The following DNAH9 variants were observed in gnomAD, a reference collection of about 807,000 sequenced individuals.
The protein encoded by DNAH9 is dynein axonemal heavy chain 9, also known as DNAH9 variant protein.
DNAH9 carries 345 observed loss-of-function variants against 471.6 expected under a neutral mutation model. The ratio of observed to expected loss-of-function variants is 0.73; its 90% CI spans 0.67 to 0.80. The LOEUF is 0.80. DNAH9 is among the 30% of genes least tolerant of loss of function. The probability of loss-of-function intolerance (pLI) is 0.00; values close to 1 mark genes in which losing one functional copy is unlikely to be tolerated. For missense variants in DNAH9, 5,407 were observed against 5,609.2 expected, an observed-to-expected ratio of 0.96 and a Z score of 1.15; for synonymous variants, 2,093 against 2,123.6, an observed-to-expected ratio of 0.99 and a Z score of 0.40.
intron 50 of DNAH9, among the ~76,000 whole-genome samples, chr17:11,867,894 A>G (rs1290618841): frequency 1.3e-5 from 2 of 152,216 alleles, no homozygotes; most frequent in Non-Finnish European, 2.9e-5. Flanking sequence ...TCAAGAATCA[A>G]TAGGCTTCCA....
At chr17:11,654,784 T>C (rs1230421819) in intron 14 of DNAH9, among the ~76,000 whole-genome samples, 1 of 152,082 alleles carries the variant, frequency 6.6e-6, no homozygotes, top group African/African-American at 2.4e-5. Flanking sequence ...AATCAGATAC[T>C]TTCATTATCA....
intron 4 of DNAH9, chr17:11,612,259 G>T: frequency 8.5e-6 from 2 of 236,218 alleles, no homozygotes; most frequent in South Asian, 8.0e-5. Flanking sequence ...CTACCCTTCT[G>T]GCAAGACAGC....
chr17:11,800,989 C>T (rs762876324), intron 43 of DNAH9, among the ~76,000 whole-genome samples: 1 of 152,134 alleles, frequency 6.6e-6, no homozygotes, highest in East Asian at 1.9e-4. Flanking sequence ...ATCAGGAAGG[C>T]CTCCCTGAGA....
intron 51 of DNAH9, among the ~76,000 whole-genome samples, chr17:11,871,004 C>T (rs1295969383): frequency 2.0e-5 from 3 of 152,076 alleles, no homozygotes; most frequent in East Asian, 1.9e-4. Context: ...AGCAAAGCTC[C>T]GCCATACCAC....
rs893295666 is a variant in DNAH9, at chr17:11,854,063, G to A, written c.9568G>A (p.Ala3190Thr). The A allele has an allele frequency of 2.9e-5, 47 of 1,614,028 alleles. No homozygotes were observed. The highest frequency in any genetic ancestry group is 3.9e-5 in the Non-Finnish European group (46 of 1,180,048). The stretch of plus-strand genomic sequence containing the variant: ...GCCTCTGGCCGTCAGCAATGTCAGC[G>A]CTGCGGTGATGGTACTGATGGCTCC... ...SPPLAVSNVS[A>T]AVMVLMAPRG... The change falls in exon 50 of 69, where the codon GCT becomes ACT. Residue 3190 changes from alanine (A) to threonine (T), a missense_variant. Physicochemically the swap from Ala to Thr is moderately conservative, Grantham distance 58. This residue lies in a region of DNAH9 where 4,636 missense variants were observed against 4,900.3 expected (regional missense o/e 0.95). Coordinates refer to ENST00000262442, the MANE Select transcript of DNAH9 (RefSeq NM_001372.4).
intron 48 of DNAH9, among the ~76,000 whole-genome samples, chr17:11,823,355 C>T (rs1343693760): frequency 6.6e-6 from 1 of 152,148 alleles, no homozygotes; most frequent in Non-Finnish European, 1.5e-5. Flanking sequence ...TCCATCCGCT[C>T]TCATTGATGC....
rs2150706307 is a variant in DNAH9 at position 11,654,367 on chromosome 17, A to AAAG, written c.2595+1367_2595+1368insGAA. ...CGAGACTCCGTCTCAAAAAAAAAAA[A>AAAG]AAAAAAAAAAAGTTTAAAATCGATC... On this transcript the variant is annotated intron_variant, in intron 14 of 68. Coordinates refer to ENST00000262442, the MANE Select transcript of DNAH9 (RefSeq NM_001372.4). 1.4e-5 allele frequency among the ~76,000 whole-genome samples: 2 copies of AAAG among 139,964 alleles called. 1 individual carries two copies. The highest frequency in any genetic ancestry group is 4.1e-4 in the East Asian group (2 of 4,888). 91.8% of individuals were successfully genotyped at this position (139,964 alleles called of 152,430 possible).
At chr17:11,619,819 C>A in intron 6 of DNAH9, 38 bp downstream of exon 6, 1 of 1,229,812 alleles carries the variant, frequency 8.1e-7, no homozygotes, top group Non-Finnish European at 1.2e-6. Context: ...CAGCCCCAGA[C>A]AGAAAGAAGC....
chr17:11,857,885 A>C (rs1264478165), intron 50 of DNAH9, among the ~76,000 whole-genome samples: 1 of 152,064 alleles, frequency 6.6e-6, no homozygotes, highest in Non-Finnish European at 1.5e-5. Context: ...TTTGCCTTCC[A>C]CCATGAGTAG....
At chr17:11,743,128 C>G (rs1404499506) in intron 30 of DNAH9, among the ~76,000 whole-genome samples, 6 of 152,140 alleles carry the variant, frequency 3.9e-5, no homozygotes, top group Admixed American at 2.6e-4. Flanking sequence ...TAAAGCTGAT[C>G]TCCGTCAGCT....
Position 11,937,490 on chromosome 17 carries a change from A to C in DNAH9, c.12628A>C (p.Arg4210=), listed in dbSNP as rs953464300. The C allele has an allele frequency of 6.2e-7, 1 of 1,613,474 alleles. No individual in the cohort carries two copies. The highest frequency in any genetic ancestry group is 1.3e-5 in the African/African-American group (1 of 74,912). The stretch of plus-strand genomic sequence containing the variant: ...GCTGCAGCCTCGGGACAGCCAGGCC[A>C]GAGACGGAGCGGGCGCCACAAGAGA... The part of the protein sequence containing the change: ...LELQPRDSQA[R]DGAGATREEK... The change falls in exon 66 of 69, where the codon AGA becomes CGA. Residue 4210 remains arginine (R), a synonymous_variant. Coordinates refer to ENST00000262442, the MANE Select transcript of DNAH9 (RefSeq NM_001372.4). The surrounding 1 kb of genome is among the most constrained non-coding windows in gnomAD (Gnocchi z 4.1).
At chr17:11,719,190 A>G (rs2075013072) in intron 26 of DNAH9, 144 bp from the exon 27 acceptor site, 1 of 729,896 alleles carries the variant, frequency 1.4e-6, no homozygotes. Context: ...AGTCCTCCCC[A>G]CAGTGCTGTG....
At chr17:11,953,067 G>C (rs1975454513) in intron 67 of DNAH9, among the ~76,000 whole-genome samples, 1 of 152,118 alleles carries the variant, frequency 6.6e-6, no homozygotes, top group Non-Finnish European at 1.5e-5. Flanking sequence ...TATCAGATTA[G>C]GGCTTCATCC....
intron 27 of DNAH9, among the ~76,000 whole-genome samples, chr17:11,721,384 A>G (rs1170780725): frequency 6.6e-6 from 1 of 152,170 alleles, no homozygotes; most frequent in East Asian, 1.9e-4. Context: ...AAGCATAGCC[A>G]CAGTGAAACA....
At chr17:11,873,072 A>T (rs1310563820) in intron 52 of DNAH9, among the ~76,000 whole-genome samples, 1 of 152,248 alleles carries the variant, frequency 6.6e-6, no homozygotes, top group Non-Finnish European at 1.5e-5. Flanking sequence ...AGATCAGCTC[A>T]TAAAACCCTG....
intron 49 of DNAH9, among the ~76,000 whole-genome samples, chr17:11,847,910 G>GCCTCCACCTGC (rs144827271): frequency 0.013 from 2,032 of 152,064 alleles, 47 homozygotes; most frequent in African/African-American, 0.046. Flanking sequence ...CATTTCTTCG[G>GCCTCCACCTGC]CCTCCACCTG....
At chr17:11,963,450 AGACAAC>A (rs1976413612) in intron 68 of DNAH9, among the ~76,000 whole-genome samples, 1 of 152,172 alleles carries the variant, frequency 6.6e-6, no homozygotes, top group African/African-American at 2.4e-5. Context: ...AAAAAAAAGA[AGACAAC>A]GACCACATAG....
At chr17:11,611,579 G>A (rs753011774) in intron 3 of DNAH9, 71 bp from the exon 4 acceptor site, 28 of 1,492,272 alleles carry the variant, frequency 1.9e-5, no homozygotes, top group African/African-American at 2.8e-5. Flanking sequence ...TCTGTGTGAC[G>A]ATGGGTCATC....
At chr17:11,663,235 A>G (rs1035528826) in intron 14 of DNAH9, among the ~76,000 whole-genome samples, 7 of 152,312 alleles carry the variant, frequency 4.6e-5, no homozygotes, top group South Asian at 4.1e-4. Context: ...TTCAGCTTAG[A>G]GCACTCTGCA....
Sources: gnomAD v4.1 joint callset for allele counts (sites outside exome capture counted in the v4.1 genomes callset) on GRCh38, gnomAD v4.1.1 for gene constraint, gnomAD v4.1.1 regional missense constraint, Gnocchi (gnomAD v3.1) non-coding constraint, MANE v1.5 for transcripts, NCBI Gene and HGNC (gene_info 2026-07-23, HGNC 2026-07-21) for gene names.